Variants in HSPG2 observed in about 807,000 individuals in gnomAD.
The protein encoded by HSPG2 is basement membrane-specific heparan sulfate proteoglycan core protein.
In HSPG2, 278 loss-of-function variants were observed where a neutral mutation model predicts 526.6. That is an observed-to-expected ratio of 0.53 (90% confidence interval 0.48 to 0.58). The LOEUF (loss-of-function observed/expected upper bound fraction) is 0.58. HSPG2 is among the 20% of genes least tolerant of loss of function. The pLI is 0.00. For missense variants in HSPG2, 5,354 were observed against 6,099.5 expected (o/e 0.88, Z 4.07); for synonymous variants, 2,465 against 2,555.4 (o/e 0.96, Z 1.07).
chr1:21,928,129 C>T (rs779934970), intron 1 of HSPG2, among the ~76,000 whole-genome samples: 2 of 152,240 alleles, frequency 1.3e-5, no homozygotes, highest in South Asian at 2.1e-4. Context: ...AAGCAACTTG[C>T]CCAAGGTCAC....
At chr1:21,871,080 C>T (rs1640608035) in intron 33 of HSPG2, among the ~76,000 whole-genome samples, 1 of 152,070 alleles carries the variant, frequency 6.6e-6, no homozygotes, top group African/African-American at 2.4e-5. Flanking sequence ...AGCGTGGGTG[C>T]CACCGGATGC....
chr1:21,851,128 A>T (rs1256569434), intron 55 of HSPG2, among the ~76,000 whole-genome samples: 3 of 151,890 alleles, frequency 2.0e-5, no homozygotes, highest in African/African-American at 7.3e-5. Context: ...GCCTGCCACT[A>T]TGCCCGGCTA....
chr1:21,881,833 C>G (rs1254385011), intron 13 of HSPG2, among the ~76,000 whole-genome samples: 1 of 150,704 alleles, frequency 6.6e-6, no homozygotes, highest in Non-Finnish European at 1.5e-5. Flanking sequence ...GTCCCAGCTA[C>G]TCAGGAGGCT....
In HSPG2 at chr1:21,841,130, C is replaced by G. The variant is rs1458803575; in HGVS notation, c.9484G>C (p.Gly3162Arg). ...AGCACCGCGTGGCTGTCCATGAGCC[C>G]ATATGTCCGCTGCTCCAACTTGGCA... ...TPAKLEQRTY[G>R]LMDSHAVLQI... is the part of the protein sequence containing the mutation. The change falls in exon 71 of 97, where the codon GGG (glycine) becomes CGG (arginine). Residue 3162 changes from glycine to arginine, a missense_variant. Physicochemically the swap from Gly to Arg is moderately radical, Grantham distance 125. Transcript: ENST00000374695. 6.2e-7 allele frequency: 1 copy of G among 1,612,912 alleles called. No homozygotes were observed.
intron 91 of HSPG2, 50 bp downstream of exon 91, chr1:21,827,813 G>T: frequency 6.5e-7 from 1 of 1,539,044 alleles, no homozygotes. Context: ...GGGGTAACTG[G>T]AAGAGTGAGC....
Position 21,855,441 on chromosome 1 carries a change from C to G in HSPG2, c.5860G>C (p.Gly1954Arg). The stretch of plus-strand genomic sequence containing the variant: ...GGGCTCACTTGGACTCTGGGCCCAC[C>G]GCCCCCTGCAGACAGAGTCCTGTGA... The part of the protein sequence containing the change: ...ARAVLHVHGG[G>R]GPRVQVSPER... The change falls in exon 47 of 97, where the codon GGT becomes CGT. Residue 1954 changes from glycine to arginine, a missense_variant. Physicochemically the swap from Gly to Arg is moderately radical, Grantham distance 125 (BLOSUM62 -2). Coordinates refer to ENST00000374695, the MANE Select transcript of HSPG2 (RefSeq NM_005529.7). 6.2e-7 allele frequency: 1 copy of G among 1,613,148 alleles called. No individual in the cohort carries two copies. The highest frequency in any genetic ancestry group is 8.5e-7 in the Non-Finnish European group (1 of 1,179,874).
In HSPG2 at chr1:21,828,744, G is replaced by T; in HGVS notation, c.12237+91C>A. ...GGGCCCGTGGGTGGCTGCAGGTGGA[G>T]GGGCCCAATGCCAAGGTGCTTGGAG... On this transcript the variant is annotated intron_variant, in intron 88 of 96. Coordinates refer to ENST00000374695, the MANE Select transcript of HSPG2 (RefSeq NM_005529.7). The surrounding 1 kb of genome is among the most constrained non-coding windows in gnomAD (Gnocchi z 6.0). 1 of 1,528,420 alleles carries T rather than the reference G, an allele frequency of 6.5e-7. No individual in the cohort carries two copies. The allele number at this position is 1,528,420 out of a possible 1,614,324, so 94.7% of individuals were successfully genotyped here.
rs1468332438 is a variant in HSPG2, at chr1:21,841,521, G to A, written c.9328+18C>T. 3 of 1,614,090 alleles carry A rather than the reference G, an allele frequency of 1.9e-6. No individual in the cohort carries two copies. In the African/African-American group the frequency reaches 4.0e-5, roughly 22 times the overall value. On this transcript the variant is annotated intron_variant, in intron 70 of 96. Coordinates refer to ENST00000374695, the MANE Select transcript of HSPG2 (RefSeq NM_005529.7). Reference sequence around the variant, plus strand: ...GCTGGAAACAGGGCAGAGCCCCACAGGGTCAACGTCCCCTCACCGTGCACA... The same window carrying A: ...GCTGGAAACAGGGCAGAGCCCCACAAGGTCAACGTCCCCTCACCGTGCACA...
At chr1:21,905,163 CCACCCACCCA>C (rs1207182530) in intron 1 of HSPG2, among the ~76,000 whole-genome samples, 15 of 105,892 alleles carry the variant, frequency 1.4e-4, no homozygotes, top group African/African-American at 6.4e-4. Context: ...CACACACCCA[CCACCCACCCA>C]CACACACACA....
Position 21,904,103 on chromosome 1 carries a change from T to C in HSPG2, c.64-7793A>G, listed in dbSNP as rs903173143. Among the ~76,000 whole-genome samples, 1 of 152,182 alleles carries C rather than the reference T, an allele frequency of 6.6e-6. No homozygotes were observed. Among genetic ancestry groups the C allele is most frequent in the Non-Finnish European group, 1.5e-5 (1 of 68,040 alleles). ...GTGAAATGGACACAGAACTCCATGTTCCTGGGGGACACAGGCCACGGAACC... is the reference window on the plus strand; with the variant it reads ...GTGAAATGGACACAGAACTCCATGTCCCTGGGGGACACAGGCCACGGAACC... On this transcript the variant is annotated intron_variant, in intron 1 of 96. Coordinates refer to ENST00000374695, the MANE Select transcript of HSPG2 (RefSeq NM_005529.7). This position sits in a 1 kb window ranked among gnomAD's most constrained non-coding sequence, Gnocchi z 4.4.
At chr1:21,849,658 C>T (rs745765202) in intron 57 of HSPG2, among the ~76,000 whole-genome samples, 1 of 151,998 alleles carries the variant, frequency 6.6e-6, no homozygotes, top group African/African-American at 2.4e-5. Context: ...TGTCTGAACT[C>T]GAACATGCCT....
rs1486435285 is a variant in HSPG2, at chr1:21,873,076, G to A, written c.3809C>T (p.Pro1270Leu). ...GQPCQRDSQVPGPIGCNCDPQ... is the reference protein window; with the variant it reads ...GQPCQRDSQVLGPIGCNCDPQ... Reference sequence around the variant, plus strand: ...GTCACAGTTGCAGCCTATGGGCCCTGGCACCTGGCTGTCTCCTGAGGTGGA... The same window carrying A: ...GTCACAGTTGCAGCCTATGGGCCCTAGCACCTGGCTGTCTCCTGAGGTGGA... Residue 1270 changes from proline (P) to leucine (L), a missense_variant, in exon 31 of 97, where the codon CCA becomes CTA. Pro to Leu is a moderately conservative substitution (Grantham distance 98). Transcript: ENST00000374695. 6 of 1,601,410 alleles carry A rather than the reference G, an allele frequency of 3.7e-6. No individual in the cohort carries two copies. The highest frequency in any genetic ancestry group is 3.3e-4 in the Middle Eastern group (2 of 6,062).
At chr1:21,930,769 A>G (rs536624438) in intron 1 of HSPG2, among the ~76,000 whole-genome samples, 1 of 151,724 alleles carries the variant, frequency 6.6e-6, no homozygotes, top group East Asian at 1.9e-4. Context: ...TCAAGACTCC[A>G]TCTCAAAAAA....
In HSPG2 at chr1:21,839,576, G is replaced by C; in HGVS notation, c.9710-26C>G. 6.2e-7 allele frequency: 1 copy of C among 1,612,290 alleles called. No individual in the cohort carries two copies. Among genetic ancestry groups the C allele is most frequent in the Non-Finnish European group, 8.5e-7 (1 of 1,179,278 alleles). On this transcript the variant is annotated intron_variant, in intron 72 of 96. Transcript: ENST00000374695. The surrounding 1 kb of genome is among the most constrained non-coding windows in gnomAD (Gnocchi z 4.5). ...CTGTGGAGTCGAGTGGAAGATGACAGAAGTCACTGGGCTACCTCAGGGACC... is the reference window on the plus strand; with the variant it reads ...CTGTGGAGTCGAGTGGAAGATGACACAAGTCACTGGGCTACCTCAGGGACC...
At chr1:21,831,611 G>A (rs370514659) in intron 82 of HSPG2, 41 bp downstream of exon 82, 8 of 1,613,136 alleles carry the variant, frequency 5.0e-6, no homozygotes, top group South Asian at 2.2e-5. Context: ...GGGCAAGGGC[G>A]GGATGAGGGC....
Position 21,887,507 on chromosome 1 carries a change from C to T in HSPG2, c.871G>A (p.Ala291Thr), listed in dbSNP as rs148693072. 1.6e-5 allele frequency: 26 copies of T among 1,613,906 alleles called. No individual in the cohort carries two copies. The highest frequency in any genetic ancestry group is 6.7e-5 in the East Asian group (3 of 44,854). The change falls in exon 8 of 97, where the codon GCA (alanine) becomes ACA (threonine). Residue 291 changes from alanine to threonine, a missense_variant. Physicochemically the swap from Ala to Thr is moderately conservative, Grantham distance 58. Transcript: ENST00000374695. This position sits in a 1 kb window ranked among gnomAD's most constrained non-coding sequence, Gnocchi z 5.0. ...GGGATGCAGTGCCCATTGCGGCATG[C>T]GGCCTCCTGGGGCCCACAGGGCAGG... is the stretch of plus-strand genomic sequence containing the variant. ...RPLPCGPQEA[A>T]CRNGHCIPRD...
In HSPG2 at chr1:21,833,926, C is replaced by G. The variant is rs1557682340; in HGVS notation, c.10721-1G>C. The G allele has an allele frequency of 3.2e-6, 5 of 1,575,260 alleles. No individual in the cohort carries two copies. The highest frequency in any genetic ancestry group is 4.3e-6 in the Non-Finnish European group (5 of 1,159,044). On this transcript the variant is annotated splice_acceptor_variant, in intron 77 of 96. Transcript: ENST00000374695. LOFTEE classifies it high-confidence loss of function. ...TGGGGCATTGAGATCTGGGGCAAGG[C>G]TGAGAGGCATGGAAGAGACATAGGC...
At chr1:21,925,244 T>G (rs1644155587) in intron 1 of HSPG2, among the ~76,000 whole-genome samples, 1 of 152,194 alleles carries the variant, frequency 6.6e-6, no homozygotes, top group African/African-American at 2.4e-5. Context: ...CAGGCAGCAC[T>G]AGCTGAATAT....
chr1:21,881,942 CAAAAAAAAAA>C (rs10570430), intron 13 of HSPG2, among the ~76,000 whole-genome samples: 1 of 87,250 alleles, frequency 1.1e-5, no homozygotes, highest in African/African-American at 4.3e-5. Flanking sequence ...GACTCTGTCT[CAAAAAAAAAA>C]AAAAAAAAAA....
Sources: gnomAD v4.1 joint callset for allele counts (sites outside exome capture counted in the v4.1 genomes callset) on GRCh38, gnomAD v4.1.1 for gene constraint, Gnocchi (gnomAD v3.1) non-coding constraint, MANE v1.5 for transcripts, NCBI Gene and HGNC (gene_info 2026-07-23, HGNC 2026-07-21) for gene names.